CYRIB: variants seen among roughly 807,000 people sequenced by gnomAD.
The protein encoded by CYRIB is CYFIP-related Rac1 interactor B.
In CYRIB, 8 loss-of-function variants were observed where a neutral mutation model predicts 44.2. The ratio of observed to expected loss-of-function variants is 0.18; its 90% CI spans 0.11 to 0.33. CYRIB has a LOEUF of 0.33. CYRIB is among the 10% of genes least tolerant of loss of function. The probability of loss-of-function intolerance (pLI) is 1.00; values close to 1 mark genes in which losing one functional copy is unlikely to be tolerated. For synonymous variants in CYRIB, 131 were observed against 127.2 expected (o/e 1.03, Z -0.20); for missense variants, 185 against 382.8 (o/e 0.48, Z 4.31).
chr8:129,872,926 G>A (rs1160228276), intron 3 of CYRIB, among the ~76,000 whole-genome samples: 2 of 151,844 alleles, frequency 1.3e-5, no homozygotes, highest in East Asian at 1.9e-4. Context: ...TTGTTTACAC[G>A]TGAAACTGGG....
At chr8:129,893,561 T>C (rs1401783037) in intron 2 of CYRIB, among the ~76,000 whole-genome samples, 1 of 152,248 alleles carries the variant, frequency 6.6e-6, no homozygotes, top group Non-Finnish European at 1.5e-5. Flanking sequence ...ATTCACAGTC[T>C]GTCACCCAGA....
chr8:129,966,547 T>C (rs1026325637), intron 2 of CYRIB, among the ~76,000 whole-genome samples: 3 of 152,268 alleles, frequency 2.0e-5, no homozygotes, highest in Middle Eastern at 3.4e-3. Flanking sequence ...ATTCCACACC[T>C]GGATGCAAAA....
rs574539707 is a variant in CYRIB at position 129,925,853 on chromosome 8, T to C, written c.-50+13755A>G. Among the ~76,000 whole-genome samples the C allele has an allele frequency of 7.9e-5, 12 of 152,296 alleles. No individual in the cohort carries two copies. In the South Asian group the frequency reaches 2.5e-3, roughly 32 times the overall value. ...TTTACTGGAGGGGGAGTACTCCCCA[T>C]CCCTCCAACAAAGACAGAGGAAAGA... On this transcript the variant is annotated intron_variant, in intron 1 of 11. Coordinates refer to ENST00000519824, the Ensembl canonical transcript of CYRIB.
chr8:129,914,919 G>C (rs1449419764), intron 1 of CYRIB, among the ~76,000 whole-genome samples: 1 of 152,130 alleles, frequency 6.6e-6, no homozygotes, highest in Non-Finnish European at 1.5e-5. Flanking sequence ...ATTCACCAAA[G>C]TTAAATGGAC....
rs1007528408 is a variant in CYRIB, at chr8:129,973,309, A to T, written c.-295-2314T>A. 1.2e-4 allele frequency among the ~76,000 whole-genome samples: 18 copies of T among 152,246 alleles called. 1 individual carries two copies. Among genetic ancestry groups the T allele is most frequent in the Admixed American group, 1.1e-3 (17 of 15,288 alleles). On this transcript the variant is annotated intron_variant, in intron 1 of 14. Coordinates refer to the CYRIB transcript ENST00000401979. ...TAAGTTAGAATTGGCCAGAGGCAGG[A>T]AGGGATCCAGGCAGAGCTCTCCGCA...
intron 9 of CYRIB, 179 bp from the exon 12 acceptor site, chr8:129,849,548 T>G (rs2042166356): frequency 1.9e-6 from 1 of 539,138 alleles, no homozygotes; most frequent in African/African-American, 1.9e-5. Context: ...TGTTTTCCTT[T>G]CCAAATCAAC....
At chr8:129,906,915 A>G (rs1226106272) in intron 1 of CYRIB, among the ~76,000 whole-genome samples, 4 of 152,216 alleles carry the variant, frequency 2.6e-5, no homozygotes, top group Non-Finnish European at 4.4e-5. Flanking sequence ...ATCTCACACC[A>G]GTTAGAATGG....
In CYRIB at chr8:129,854,357, T is replaced by A. The variant is rs766921285; in HGVS notation, c.439-14A>T. On this transcript the variant is annotated splice_polypyrimidine_tract_variant and intron_variant, in intron 6 of 11. Coordinates refer to ENST00000519824, the Ensembl canonical transcript of CYRIB. ...AGGATTTGTCATCTGAAGAAGACAG[T>A]TGTGGAAAAAAAATGTTATGTACTA... The A allele has an allele frequency of 4.4e-6, 7 of 1,589,186 alleles. No homozygotes were observed. Among genetic ancestry groups the A allele is most frequent in the Non-Finnish European group, 5.1e-6 (6 of 1,169,218 alleles).
At chr8:129,925,387 G>A (rs148009135) in intron 1 of CYRIB, among the ~76,000 whole-genome samples, 2,180 of 152,014 alleles carry the variant, frequency 0.014, 36 homozygotes, top group African/African-American at 0.045. Context: ...GCGAGACTCC[G>A]TCTTAAAAAA....
intron 1 of CYRIB, among the ~76,000 whole-genome samples, chr8:129,904,823 T>C (rs1007166394): frequency 2.0e-5 from 3 of 152,148 alleles, no homozygotes; most frequent in African/African-American, 7.2e-5. Flanking sequence ...CATTATCAGA[T>C]CTACTACTAC....
At chr8:129,970,342 G>A (rs113859410) in intron 2 of CYRIB, among the ~76,000 whole-genome samples, 6 of 152,168 alleles carry the variant, frequency 3.9e-5, no homozygotes, top group African/African-American at 1.4e-4. Flanking sequence ...AGGGCACCCA[G>A]GCTCCAAGAG....
intron 1 of CYRIB, among the ~76,000 whole-genome samples, chr8:130,007,433 G>A (rs571014975): frequency 5.9e-5 from 9 of 152,306 alleles, no homozygotes; most frequent in African/African-American, 1.4e-4. Context: ...TCTGTAAAAC[G>A]GGAATAATAT....
chr8:129,945,685 C>T (rs1004344521), intron 2 of CYRIB, among the ~76,000 whole-genome samples: 1 of 152,216 alleles, frequency 6.6e-6, no homozygotes, highest in African/African-American at 2.4e-5. Flanking sequence ...TTTCCTGCCT[C>T]AGCCTCCTGA....
At chr8:129,894,290 T>C (rs2066820407) in intron 2 of CYRIB, among the ~76,000 whole-genome samples, 1 of 152,246 alleles carries the variant, frequency 6.6e-6, no homozygotes, top group Non-Finnish European at 1.5e-5. Context: ...AGATTTCCTA[T>C]TTCCTGTCCT....
At chr8:129,887,228 G>A (rs1393123485) in intron 2 of CYRIB, among the ~76,000 whole-genome samples, 1 of 152,144 alleles carries the variant, frequency 6.6e-6, no homozygotes, top group Non-Finnish European at 1.5e-5. Flanking sequence ...TCCAGCTCCA[G>A]CCACGGCTAA....
intron 1 of CYRIB, among the ~76,000 whole-genome samples, chr8:129,977,562 C>T (rs181129536): frequency 0.013 from 1,953 of 150,898 alleles, 45 homozygotes; most frequent in African/African-American, 0.045. Flanking sequence ...GACGGGGTCT[C>T]GCTCTGTCAC....
chr8:129,908,024 G>C (rs1055254744), intron 1 of CYRIB, among the ~76,000 whole-genome samples: 2 of 152,062 alleles, frequency 1.3e-5, no homozygotes, highest in African/African-American at 4.8e-5. Context: ...GTAAGTAAAT[G>C]GTGTTGAAAT....
At chr8:129,956,235 T>A (rs778086397) in intron 2 of CYRIB, among the ~76,000 whole-genome samples, 1 of 152,182 alleles carries the variant, frequency 6.6e-6, no homozygotes, top group East Asian at 1.9e-4. Flanking sequence ...TGATGGCTAC[T>A]ACCATTGTCA....
At position 129,871,272 on chromosome 8, in the gene CYRIB, A is replaced by G. The variant is rs1588092548; in HGVS notation, c.195+103T>C. 3.0e-6 allele frequency: 4 copies of G among 1,320,214 alleles called. No individual in the cohort carries two copies. The South Asian group carries it at 4.9e-5, about 16-fold the overall frequency. 81.8% of individuals were successfully genotyped at this position (1,320,214 alleles called of 1,614,324 possible). On this transcript the variant is annotated intron_variant, in intron 4 of 11. Coordinates refer to ENST00000519824, the Ensembl canonical transcript of CYRIB. ...CAAGTGAGCATCCTTCAAATATAAT[A>G]CTTAATATGAAATATAGAATTCTGA...
Sources: allele counts gnomAD v4.1 joint callset (sites outside exome capture counted in the v4.1 genomes callset), GRCh38; gene constraint gnomAD v4.1.1; transcripts MANE v1.5; gene names NCBI Gene and HGNC (gene_info 2026-07-23, HGNC 2026-07-21).